NRG3: variants seen among roughly 807,000 people sequenced by gnomAD.
NRG3 encodes the protein neuregulin 3, also known as pro-neuregulin-3, membrane-bound isoform.
In NRG3, 31 loss-of-function variants were observed where a neutral mutation model predicts 66.9. The ratio of observed to expected loss-of-function variants is 0.46; its 90% CI spans 0.35 to 0.63. The LOEUF (loss-of-function observed/expected upper bound fraction) is 0.63. Among genes scored for constraint, NRG3 ranks in the 20% least tolerant of loss-of-function variants. The pLI is 0.00. For missense variants in NRG3, 910 were observed against 878.9 expected (o/e 1.04, Z -0.45); for synonymous variants, 393 against 359.4 (o/e 1.09, Z -1.06).
intron 1 of NRG3, among the ~76,000 whole-genome samples, chr10:82,320,569 A>C (rs1349276024): frequency 1.3e-5 from 2 of 152,146 alleles, no homozygotes; most frequent in African/African-American, 2.4e-5. Context: ...CTTGAAATCT[A>C]ATATTCAGAA....
intron 1 of NRG3, among the ~76,000 whole-genome samples, chr10:82,345,471 G>A (rs1387383948): frequency 6.6e-6 from 1 of 151,600 alleles, no homozygotes; most frequent in Non-Finnish European, 1.5e-5. Flanking sequence ...CTATAGCCTT[G>A]TAGTATAGTT....
At chr10:82,649,510 G>T (rs1353128916) in intron 2 of NRG3, among the ~76,000 whole-genome samples, 1 of 127,696 alleles carries the variant, frequency 7.8e-6, no homozygotes, top group Non-Finnish European at 1.6e-5. Context: ...TTGCTCTGTG[G>T]CCCAGGCTGG....
At chr10:82,440,428 T>C (rs1484562576) in intron 2 of NRG3, among the ~76,000 whole-genome samples, 1 of 151,984 alleles carries the variant, frequency 6.6e-6, no homozygotes, top group Non-Finnish European at 1.5e-5. Context: ...TTTGGGCTTT[T>C]TGCTTCATTA....
In NRG3 at chr10:82,286,167, A is replaced by G. The variant is rs531068811; in HGVS notation, c.824-72572A>G. On this transcript the variant is annotated intron_variant, in intron 1 of 8. Transcript: ENST00000372141. ...GGTAGGAAGGGTAAGAGTCTAAGAAATTGTGCTAAAAACTCATAAGCTTTT... is the reference window on the plus strand; with the variant it reads ...GGTAGGAAGGGTAAGAGTCTAAGAAGTTGTGCTAAAAACTCATAAGCTTTT... Among the ~76,000 whole-genome samples the G allele has an allele frequency of 2.0e-5, 3 of 152,296 alleles. No individual in the cohort carries two copies. The South Asian group carries it at 6.2e-4, about 32-fold the overall frequency.
intron 1 of NRG3, among the ~76,000 whole-genome samples, chr10:82,161,885 C>G (rs2071630492): frequency 6.6e-6 from 1 of 152,076 alleles, no homozygotes; most frequent in Non-Finnish European, 1.5e-5. Flanking sequence ...CAGATTCACT[C>G]CATTGCTTCT....
At position 81,876,170 on chromosome 10, in the gene NRG3, A is replaced by T. The variant is rs1438099684; in HGVS notation, c.823+7A>T. ...AGCACCAGCCCCAAATTTCGTAAGT[A>T]AACACTGTGTCTCAACTATGATTTA... On this transcript the variant is annotated splice_region_variant and intron_variant, in intron 1 of 8. Coordinates refer to ENST00000372141, the MANE Select transcript of NRG3 (RefSeq NM_001010848.4). 1 of 1,568,590 alleles carries T rather than the reference A, an allele frequency of 6.4e-7. No individual in the cohort carries two copies. Among genetic ancestry groups the T allele is most frequent in the East Asian group, 2.4e-5 (1 of 42,100 alleles).
intron 3 of NRG3, among the ~76,000 whole-genome samples, chr10:82,746,407 G>A (rs2058647277): frequency 6.6e-6 from 1 of 152,140 alleles, no homozygotes; most frequent in Admixed American, 6.5e-5. Flanking sequence ...TGTTCAGCAG[G>A]TCTGAAGACA....
intron 2 of NRG3, among the ~76,000 whole-genome samples, chr10:82,644,861 T>C (rs2050829954): frequency 6.6e-6 from 1 of 152,170 alleles, no homozygotes; most frequent in African/African-American, 2.4e-5. Flanking sequence ...TTCCCCTACA[T>C]GGCTCAAACA....
At chr10:82,108,901 C>T (rs1362286680) in intron 1 of NRG3, among the ~76,000 whole-genome samples, 1 of 152,054 alleles carries the variant, frequency 6.6e-6, no homozygotes, top group Non-Finnish European at 1.5e-5. Context: ...TCTCCTTATC[C>T]CCAGTTAATT....
chr10:82,774,465 A>G (rs533758903), intron 3 of NRG3, among the ~76,000 whole-genome samples: 1 of 152,174 alleles, frequency 6.6e-6, no homozygotes, highest in South Asian at 2.1e-4. Context: ...GGTTTGTTTA[A>G]GCTTCCTATT....
intron 2 of NRG3, among the ~76,000 whole-genome samples, chr10:82,617,249 CACACAT>C (rs1261207618): frequency 1.3e-5 from 2 of 149,590 alleles, no homozygotes; most frequent in South Asian, 2.1e-4. Flanking sequence ...ACCACACAGA[CACACAT>C]ACACATACAC....
chr10:82,240,242 A>C (rs2076948623), intron 1 of NRG3, among the ~76,000 whole-genome samples: 1 of 151,934 alleles, frequency 6.6e-6, no homozygotes, highest in Non-Finnish European at 1.5e-5. Context: ...TGGAAAACTG[A>C]AATTAAAGAG....
chr10:81,903,992 ATATATT>A (rs746443318), intron 1 of NRG3, among the ~76,000 whole-genome samples: 3,260 of 100,124 alleles, frequency 0.033, 99 homozygotes, highest in African/African-American at 0.11. Context: ...ATATATATAT[ATATATT>A]TTTTTTTTTT....
At chr10:82,019,402 G>T (rs112191724) in intron 1 of NRG3, among the ~76,000 whole-genome samples, 12,356 of 151,914 alleles carry the variant, frequency 0.081, 1,635 homozygotes, top group African/African-American at 0.28. Flanking sequence ...ATTCTGTTTT[G>T]TTTGTTGTGT....
intron 2 of NRG3, among the ~76,000 whole-genome samples, chr10:82,610,853 A>G (rs111618928): frequency 1.3e-5 from 2 of 152,318 alleles, no homozygotes; most frequent in African/African-American, 4.8e-5. Context: ...AAACTGAGAT[A>G]TGGTTTTTAA....
intron 2 of NRG3, among the ~76,000 whole-genome samples, chr10:82,729,900 T>A (rs542606240): frequency 3.9e-5 from 6 of 152,278 alleles, no homozygotes; most frequent in African/African-American, 1.4e-4. Flanking sequence ...TTGAACTTGT[T>A]CTTTTTCTTT....
intron 2 of NRG3, among the ~76,000 whole-genome samples, chr10:82,573,304 A>T (rs2045847891): frequency 6.6e-6 from 1 of 151,716 alleles, no homozygotes; most frequent in Non-Finnish European, 1.5e-5. Context: ...GTCCTGACTC[A>T]ATTTTGAGAT....
intron 1 of NRG3, among the ~76,000 whole-genome samples, chr10:82,113,943 A>G (rs1173664190): frequency 1.3e-5 from 2 of 152,158 alleles, no homozygotes; most frequent in African/African-American, 4.8e-5. Flanking sequence ...AATTATAGAA[A>G]CATGTATGCT....
chr10:82,093,764 T>C (rs1324778015), intron 1 of NRG3, among the ~76,000 whole-genome samples: 1 of 152,184 alleles, frequency 6.6e-6, no homozygotes, highest in Non-Finnish European at 1.5e-5. Context: ...CATATCTAGA[T>C]GATTAAATAT....
Sources: gnomAD v4.1 joint callset for allele counts (sites outside exome capture counted in the v4.1 genomes callset) on GRCh38, gnomAD v4.1.1 for gene constraint, MANE v1.5 for transcripts, NCBI Gene and HGNC (gene_info 2026-07-23, HGNC 2026-07-21) for gene names.